The following CALCR variants were observed in gnomAD, a reference collection of about 807,000 sequenced individuals.
CALCR encodes the protein calcitonin receptor.
A neutral mutation model predicts 59.5 loss-of-function variants in CALCR; 47 were observed. The ratio of observed to expected loss-of-function variants is 0.79; its 90% CI spans 0.63 to 1.01. The LOEUF is 1.01. Ranked by LOEUF, CALCR falls within the 50% of genes least tolerant of loss-of-function variation. The pLI is 0.00. For synonymous variants in CALCR, 213 were observed against 211.3 expected (o/e 1.01, Z -0.07); for missense variants, 566 against 597.1 (o/e 0.95, Z 0.54).
intron 2 of CALCR, among the ~76,000 whole-genome samples, chr7:93,522,291 A>G (rs2116093919): frequency 6.6e-6 from 1 of 152,274 alleles, no homozygotes; most frequent in Non-Finnish European, 1.5e-5. Flanking sequence ...GACATTTGAA[A>G]CTATTTCTCT....
At chr7:93,521,751 C>T (rs1801768851) in intron 2 of CALCR, among the ~76,000 whole-genome samples, 1 of 152,134 alleles carries the variant, frequency 6.6e-6, no homozygotes, top group African/African-American at 2.4e-5. Context: ...ATATGTATTA[C>T]ATATCTATTA....
intron 2 of CALCR, among the ~76,000 whole-genome samples, chr7:93,487,584 C>A (rs1800973676): frequency 6.6e-6 from 1 of 151,526 alleles, no homozygotes; most frequent in Admixed American, 6.6e-5. Context: ...GCTCACCATT[C>A]ATACTGAAGA....
chr7:93,486,204 C>T (rs757405973), intron 3 of CALCR, among the ~76,000 whole-genome samples: 2 of 151,504 alleles, frequency 1.3e-5, no homozygotes, highest in Non-Finnish European at 3.0e-5. Context: ...CATTGATTTA[C>T]GTAAAATTTA....
chr7:93,427,644 T>C (rs1272912651), intron 13 of CALCR, among the ~76,000 whole-genome samples: 1 of 152,206 alleles, frequency 6.6e-6, no homozygotes, highest in Non-Finnish European at 1.5e-5. Context: ...TTATCTACTT[T>C]ACATTTGTAC....
At chr7:93,492,531 T>C (rs1801105705) in intron 2 of CALCR, among the ~76,000 whole-genome samples, 1 of 151,392 alleles carries the variant, frequency 6.6e-6, no homozygotes, top group Non-Finnish European at 1.5e-5. Flanking sequence ...TTGATCATTA[T>C]TCATTGTTTC....
intron 9 of CALCR, 67 bp from the exon 10 acceptor site, chr7:93,438,337 G>T: frequency 8.6e-7 from 1 of 1,157,422 alleles, no homozygotes; most frequent in Non-Finnish European, 1.3e-6. Context: ...CAGCTGCATG[G>T]ACAATGGTAG....
At chr7:93,480,379 T>G (rs749715745) in intron 3 of CALCR, among the ~76,000 whole-genome samples, 6 of 151,116 alleles carry the variant, frequency 4.0e-5, no homozygotes, top group Non-Finnish European at 8.9e-5. Context: ...TGCATAGAGA[T>G]TTTTTTTTCT....
At chr7:93,524,238 C>A (rs911275229) in intron 2 of CALCR, among the ~76,000 whole-genome samples, 2 of 149,454 alleles carry the variant, frequency 1.3e-5, no homozygotes, top group Non-Finnish European at 1.5e-5. Context: ...GGCATGATCT[C>A]AGCTCACTGC....
intron 13 of CALCR, among the ~76,000 whole-genome samples, chr7:93,429,954 G>C (rs1286832867): frequency 8.6e-6 from 1 of 115,982 alleles, no homozygotes; most frequent in Non-Finnish European, 1.7e-5. Context: ...TTTTTTTTGA[G>C]ACAGAGTCTT....
At chr7:93,464,609 T>C (rs979244018) in intron 7 of CALCR, among the ~76,000 whole-genome samples, 1 of 152,044 alleles carries the variant, frequency 6.6e-6, no homozygotes, top group African/African-American at 2.4e-5. Flanking sequence ...TTATGCCTTT[T>C]GATTTAGCAC....
At chr7:93,461,936 C>A in intron 7 of CALCR, 1 of 639,264 alleles carries the variant, frequency 1.6e-6, no homozygotes. Context: ...GAGCGTAAAA[C>A]ATGCCAATGA....
chr7:93,537,848 A>C (rs1277861722), intron 2 of CALCR, among the ~76,000 whole-genome samples: 1 of 151,896 alleles, frequency 6.6e-6, no homozygotes, highest in East Asian at 1.9e-4. Context: ...CAAATCAATG[A>C]AATTGACTAG....
rs760436912 is a variant in CALCR at position 93,425,228 on chromosome 7, G to GTTAA, written c.*1124_*1127dup. 19 of 152,620 alleles carry GTTAA rather than the reference G, an allele frequency of 1.2e-4. No individual in the cohort carries two copies. The highest frequency in any genetic ancestry group is 5.9e-4 in the Admixed American group (9 of 15,288). The allele number at this position is 152,620 out of a possible 1,614,324, so 9.5% of individuals were successfully genotyped here. On this transcript the variant is annotated 3_prime_UTR_variant, in exon 14 of 14. Transcript: ENST00000426151. ...TTGATTTATGGTTAAATTTGGAGCAGTTAATTTTTTCCCCTCCTGTTTTGG... is the reference window on the plus strand; with the variant it reads ...TTGATTTATGGTTAAATTTGGAGCAGTTAATTAATTTTTTCCCCTCCTGTTTTGG...
intron 7 of CALCR, chr7:93,462,244 T>C (rs1800352936): frequency 9.3e-6 from 5 of 535,390 alleles, no homozygotes; most frequent in Non-Finnish European, 1.6e-5. Context: ...AAATTTAACT[T>C]GTTAAACAGG....
At chr7:93,484,861 C>T (rs1285239883) in intron 3 of CALCR, among the ~76,000 whole-genome samples, 1 of 151,604 alleles carries the variant, frequency 6.6e-6, no homozygotes, top group Non-Finnish European at 1.5e-5. Flanking sequence ...AACTGCTGCT[C>T]TAAGCTTACT....
intron 3 of CALCR, chr7:93,483,959 G>A (rs1212974160): frequency 1.9e-6 from 1 of 515,370 alleles, no homozygotes; most frequent in South Asian, 1.4e-5. Context: ...TGCCGTATAT[G>A]TGATGTCACT....
At chr7:93,522,273 A>G (rs146516260) in intron 2 of CALCR, among the ~76,000 whole-genome samples, 15 of 152,284 alleles carry the variant, frequency 9.9e-5, no homozygotes, top group Middle Eastern at 3.4e-3. Flanking sequence ...TGATTTATCA[A>G]TTTGTAAGAC....
chr7:93,532,191 A>G (rs1788858183), intron 2 of CALCR, among the ~76,000 whole-genome samples: 1 of 151,974 alleles, frequency 6.6e-6, no homozygotes, highest in African/African-American at 2.4e-5. Flanking sequence ...CTCTTTTTCA[A>G]TTTTGGGAGA....
intron 8 of CALCR, among the ~76,000 whole-genome samples, chr7:93,453,205 A>G (rs1324861000): frequency 6.6e-6 from 1 of 152,086 alleles, no homozygotes; most frequent in African/African-American, 2.4e-5. Context: ...AATACAAATA[A>G]TGACAGCTGA....
Sources: gnomAD v4.1 joint callset for allele counts (sites outside exome capture counted in the v4.1 genomes callset) on GRCh38, gnomAD v4.1.1 for gene constraint, MANE v1.5 for transcripts, NCBI Gene and HGNC (gene_info 2026-07-23, HGNC 2026-07-21) for gene names.